MAST4: variants seen among roughly 807,000 people sequenced by gnomAD.
The protein encoded by MAST4 is microtubule-associated serine/threonine-protein kinase 4.
Under a neutral mutation model 162.7 loss-of-function variants are expected in MAST4, and 89 were observed. That is an observed-to-expected ratio of 0.55 (90% CI 0.46 to 0.65). MAST4 has a LOEUF of 0.65. Among genes scored for constraint, MAST4 ranks in the 30% least tolerant of loss-of-function variants. The pLI, the probability that MAST4 is intolerant of heterozygous loss-of-function variation, is 0.00. For synonymous variants in MAST4, 1,479 were observed against 1,361.1 expected, an observed-to-expected ratio of 1.09 and a Z score of -1.91; for missense variants, 3,153 against 3,374.0, an observed-to-expected ratio of 0.93 and a Z score of 1.62.
chr5:66,855,685 G>A (rs538758953), intron 3 of MAST4, among the ~76,000 whole-genome samples: 1 of 152,248 alleles, frequency 6.6e-6, no homozygotes, highest in East Asian at 1.9e-4. Flanking sequence ...GAAACACTCT[G>A]GAATTGGCTA....
chr5:67,133,508 T>C lies in MAST4; in HGVS notation c.2094-6T>C. On this transcript the variant is annotated splice_polypyrimidine_tract_variant and splice_region_variant and intron_variant, in intron 16 of 28. Coordinates refer to ENST00000403625, the MANE Select transcript of MAST4 (RefSeq NM_001164664.2). ...TTATTGTGTTACATGTCCGTCTGCC[T>C]CATAGCTTGTTGGTTACCTCCATGG... 6.2e-7 allele frequency: 1 copy of C among 1,612,598 alleles called. No individual in the cohort carries two copies. Among genetic ancestry groups the C allele is most frequent in the Admixed American group, 1.7e-5 (1 of 59,962 alleles).
At chr5:66,724,600 C>A (rs1751405122) in intron 1 of MAST4, among the ~76,000 whole-genome samples, 1 of 152,106 alleles carries the variant, frequency 6.6e-6, no homozygotes, top group Non-Finnish European at 1.5e-5. Flanking sequence ...GAGTGTACTT[C>A]TACAAACTTA....
intron 5 of MAST4, among the ~76,000 whole-genome samples, chr5:67,074,062 T>C (rs964087655): frequency 6.6e-6 from 1 of 151,954 alleles, no homozygotes; most frequent in African/African-American, 2.4e-5. Flanking sequence ...AGAAGTATAA[T>C]GGGCAGAAGA....
chr5:66,929,019 A>T (rs1741851314), intron 4 of MAST4, among the ~76,000 whole-genome samples: 5 of 152,206 alleles, frequency 3.3e-5, no homozygotes, highest in Admixed American at 3.3e-4. Flanking sequence ...GGATGGATGG[A>T]TAAGAGGGGA....
At chr5:66,647,606 TG>T (rs1745926978) in intron 1 of MAST4, among the ~76,000 whole-genome samples, 1 of 152,108 alleles carries the variant, frequency 6.6e-6, no homozygotes, top group South Asian at 2.1e-4. Flanking sequence ...CTAACTGTGG[TG>T]TAAGTGGTTT....
intron 1 of MAST4, among the ~76,000 whole-genome samples, chr5:66,632,100 A>T (rs950346319): frequency 6.6e-6 from 1 of 152,152 alleles, no homozygotes. Context: ...AAAATCCTTA[A>T]AATCTAGGTG....
At chr5:67,022,750 A>C (rs1754139684) in intron 4 of MAST4, among the ~76,000 whole-genome samples, 1 of 152,206 alleles carries the variant, frequency 6.6e-6, no homozygotes, top group Non-Finnish European at 1.5e-5. Flanking sequence ...GCACATTCCA[A>C]GGTCTGCTTT....
chr5:66,953,848 C>G (rs555280033), intron 4 of MAST4, among the ~76,000 whole-genome samples: 2 of 152,152 alleles, frequency 1.3e-5, no homozygotes, highest in Non-Finnish European at 2.9e-5. Flanking sequence ...GGATGTTCAG[C>G]GGCATCCCTG....
intron 1 of MAST4, among the ~76,000 whole-genome samples, chr5:66,661,936 T>C (rs1241031800): frequency 6.6e-6 from 1 of 152,238 alleles, no homozygotes; most frequent in African/African-American, 2.4e-5. Context: ...TATTCTCTGT[T>C]ATAAGCTAAT....
intron 4 of MAST4, among the ~76,000 whole-genome samples, chr5:67,004,257 G>C (rs1359103140): frequency 6.6e-6 from 1 of 152,094 alleles, no homozygotes; most frequent in Non-Finnish European, 1.5e-5. Flanking sequence ...GCGCGGCCGG[G>C]GCTGGTGGGG....
chr5:66,770,173 T>C (rs911981642), intron 2 of MAST4, among the ~76,000 whole-genome samples: 1 of 152,252 alleles, frequency 6.6e-6, no homozygotes, highest in Non-Finnish European at 1.5e-5. Context: ...TGACAATGCA[T>C]GGTTTTAAGA....
chr5:66,722,488 A>G (rs1431625745), intron 1 of MAST4, among the ~76,000 whole-genome samples: 1 of 148,640 alleles, frequency 6.7e-6, no homozygotes, highest in African/African-American at 2.5e-5. Flanking sequence ...TAAATTATCT[A>G]TCAAATTATA....
chr5:66,684,840 A>G (rs1278776131), intron 1 of MAST4, among the ~76,000 whole-genome samples: 1 of 151,668 alleles, frequency 6.6e-6, no homozygotes, highest in Non-Finnish European at 1.5e-5. Flanking sequence ...ATGGTTATTG[A>G]GTCAGCACCT....
Position 66,596,952 on chromosome 5 carries a change from TC to T in MAST4, c.300del (p.Gly101GlufsTer49). The T allele has an allele frequency of 7.3e-7, 1 of 1,375,052 alleles. No individual in the cohort carries two copies. The highest frequency in any genetic ancestry group is 9.5e-7 in the Non-Finnish European group (1 of 1,053,792). 85.2% of individuals were successfully genotyped at this position (1,375,052 alleles called of 1,614,324 possible). The stretch of plus-strand genomic sequence containing the variant: ...GAGTCCTTGCGCTGCCGCCGCCGCT[TC>T]CCGGAGGAGCTGTGCCGCCCGCGCC... ...RGVLALPPPL[P>X]GGAVPPAPRG... On this transcript the variant is annotated frameshift_variant, in exon 1 of 29. Coordinates refer to ENST00000403625, the MANE Select transcript of MAST4 (RefSeq NM_001164664.2). LOFTEE classifies it high-confidence loss of function.
rs1428505883 is a variant in MAST4, at chr5:67,163,525, A to C, written c.4346A>C (p.Lys1449Thr). 7 of 1,608,014 alleles carry C rather than the reference A, an allele frequency of 4.4e-6. No individual in the cohort carries two copies. The highest frequency in any genetic ancestry group is 5.9e-6 in the Non-Finnish European group (7 of 1,177,404). Residue 1449 changes from lysine to threonine, a missense_variant, in exon 29 of 29, where the codon AAG (lysine) becomes ACG (threonine). Transcript: ENST00000403625. This position sits in a 1 kb window ranked among gnomAD's most constrained non-coding sequence, Gnocchi z 7.0. Reference protein sequence around the residue: ...PLLKRVQSEEKLSPSYGSDKK... With the variant: ...PLLKRVQSEETLSPSYGSDKK... ...CTCAAGCGCGTGCAGTCCGAGGAGA[A>C]GCTGTCGCCCTCTTACGGCAGTGAC...
At chr5:66,635,571 G>A (rs375845150) in intron 1 of MAST4, among the ~76,000 whole-genome samples, 2 of 152,202 alleles carry the variant, frequency 1.3e-5, no homozygotes, top group African/African-American at 2.4e-5. Flanking sequence ...TGCAACATGT[G>A]CATCAAAACA....
intron 4 of MAST4, among the ~76,000 whole-genome samples, chr5:66,919,099 A>AACACAC (rs56340246): frequency 0.26 from 37,283 of 141,998 alleles, 5,085 homozygotes; most frequent in Non-Finnish European, 0.32. Context: ...CGAGACTCTC[A>AACACAC]ACACACACAC....
intron 4 of MAST4, among the ~76,000 whole-genome samples, chr5:66,960,716 T>C (rs1745908821): frequency 6.6e-6 from 1 of 152,258 alleles, no homozygotes; most frequent in Non-Finnish European, 1.5e-5. Flanking sequence ...AGGCTTTTTC[T>C]TTCTTTCCTC....
chr5:67,101,659 C>A (rs1251486293), intron 8 of MAST4, among the ~76,000 whole-genome samples: 1 of 151,934 alleles, frequency 6.6e-6, no homozygotes, highest in Non-Finnish European at 1.5e-5. Context: ...AAGCAATTTC[C>A]CTTTGTACTT....
Sources: allele counts gnomAD v4.1 joint callset (sites outside exome capture counted in the v4.1 genomes callset), GRCh38; gene constraint gnomAD v4.1.1; non-coding constraint Gnocchi (gnomAD v3.1); transcripts MANE v1.5; gene names NCBI Gene and HGNC (gene_info 2026-07-23, HGNC 2026-07-21).